Variants in PRIMA1 observed in about 807,000 individuals in gnomAD.
PRIMA1 encodes the protein proline rich membrane anchor 1.
A neutral mutation model predicts 17.5 loss-of-function variants in PRIMA1; 7 were observed. The ratio of observed to expected loss-of-function variants is 0.40; its 90% CI spans 0.23 to 0.75. The LOEUF is 0.75. PRIMA1 is among the 30% of genes least tolerant of loss of function. The pLI is 0.37. For missense variants in PRIMA1, 200 were observed against 201.8 expected, an observed-to-expected ratio of 0.99 and a Z score of 0.05; for synonymous variants, 97 against 77.9, an observed-to-expected ratio of 1.25 and a Z score of -1.29.
intron 3 of PRIMA1, among the ~76,000 whole-genome samples, chr14:93,770,556 G>T (rs1468778896): frequency 6.6e-6 from 1 of 152,148 alleles, no homozygotes; most frequent in African/African-American, 2.4e-5. Flanking sequence ...TTCCCTTTCG[G>T]TCAGCTCTCA....
upstream of PRIMA1, among the ~76,000 whole-genome samples, chr14:93,788,674 C>T (rs1205991374): frequency 3.9e-5 from 6 of 152,112 alleles, no homozygotes; most frequent in African/African-American, 7.2e-5. Flanking sequence ...GAGCAGAGGA[C>T]CAGGAGCGGC....
chr14:93,732,443 C>T (rs1385862699), intron 4 of PRIMA1, among the ~76,000 whole-genome samples: 3 of 152,230 alleles, frequency 2.0e-5, no homozygotes, highest in African/African-American at 7.2e-5. Flanking sequence ...TTGTCTCCTG[C>T]CCTGGACGGA....
At chr14:93,733,156 T>A (rs978798457) in intron 4 of PRIMA1, among the ~76,000 whole-genome samples, 7 of 152,182 alleles carry the variant, frequency 4.6e-5, no homozygotes, top group African/African-American at 1.7e-4. Context: ...CTCGTGCTCA[T>A]GCAAATTCAA....
intron 4 of PRIMA1, among the ~76,000 whole-genome samples, chr14:93,728,722 G>A (rs1419460987): frequency 3.3e-5 from 5 of 152,164 alleles, no homozygotes. Flanking sequence ...ATCCGTCTGG[G>A]TCTCCCATCA....
At chr14:93,723,639 G>A (rs1053125738) in intron 4 of PRIMA1, among the ~76,000 whole-genome samples, 1 of 152,138 alleles carries the variant, frequency 6.6e-6, no homozygotes, top group African/African-American at 2.4e-5. Flanking sequence ...GAATGCAAGA[G>A]GCAAACCCAC....
chr14:93,738,276 C>G (rs2076164051), intron 3 of PRIMA1, among the ~76,000 whole-genome samples: 1 of 152,154 alleles, frequency 6.6e-6, no homozygotes. Flanking sequence ...GTCAGTGAGG[C>G]CGGTTCGCTT....
intron 3 of PRIMA1, among the ~76,000 whole-genome samples, chr14:93,776,448 C>T (rs1161035174): frequency 6.6e-6 from 1 of 152,136 alleles, no homozygotes; most frequent in African/African-American, 2.4e-5. Flanking sequence ...TCTCCGTAGC[C>T]CCCAGCCTGG....
At chr14:93,773,010 T>C (rs1051319171) in intron 3 of PRIMA1, among the ~76,000 whole-genome samples, 5 of 152,216 alleles carry the variant, frequency 3.3e-5, no homozygotes, top group African/African-American at 1.2e-4. Context: ...ACCACCCATG[T>C]GCAGCAGGTA....
chr14:93,780,175 A>G (rs184153435), intron 2 of PRIMA1, among the ~76,000 whole-genome samples: 151 of 152,240 alleles, frequency 9.9e-4, no homozygotes, highest in African/African-American at 3.5e-3. Context: ...CTACCCTGCT[A>G]CGCCCCTGAC....
chr14:93,774,191 CAGA>C (rs1885143869), intron 3 of PRIMA1, among the ~76,000 whole-genome samples: 1 of 152,166 alleles, frequency 6.6e-6, no homozygotes, highest in Non-Finnish European at 1.5e-5. Flanking sequence ...TTGCCTTTGC[CAGA>C]AGAAGGGTGG....
intron 3 of PRIMA1, among the ~76,000 whole-genome samples, chr14:93,777,421 C>T (rs1229464817): frequency 6.6e-6 from 1 of 152,328 alleles, no homozygotes; most frequent in East Asian, 1.9e-4. Context: ...ACTGCAACCT[C>T]CGCCTCCCGG....
intron 3 of PRIMA1, among the ~76,000 whole-genome samples, chr14:93,776,697 C>A (rs1361305718): frequency 1.3e-5 from 2 of 152,228 alleles, no homozygotes; most frequent in African/African-American, 4.8e-5. Context: ...GTTATGAGAG[C>A]TGATTTTAGA....
At chr14:93,749,198 C>T (rs770024087) in intron 3 of PRIMA1, among the ~76,000 whole-genome samples, 84 of 152,282 alleles carry the variant, frequency 5.5e-4, no homozygotes, top group Middle Eastern at 3.4e-3. Context: ...TGCAGACGCA[C>T]GGCTGCGCAG....
chr14:93,782,672 C>T (rs972753257), intron 2 of PRIMA1, among the ~76,000 whole-genome samples: 1 of 152,164 alleles, frequency 6.6e-6, no homozygotes, highest in African/African-American at 2.4e-5. Flanking sequence ...ACATAAGGGC[C>T]TCTCTGAAAT....
chr14:93,787,797 T>G, intron 1 of PRIMA1, 48 bp from the exon 2 acceptor site: 1 of 1,501,298 alleles, frequency 6.7e-7, no homozygotes. Context: ...CGCAGGCACT[T>G]CCGCCGCCGC....
chr14:93,736,265 C>A (rs2076149506), intron 4 of PRIMA1, among the ~76,000 whole-genome samples: 1 of 152,202 alleles, frequency 6.6e-6, no homozygotes, highest in Non-Finnish European at 1.5e-5. Flanking sequence ...CAATTTCTGA[C>A]TCCATTGCTC....
At chr14:93,768,464 C>A (rs1323397911) in intron 3 of PRIMA1, among the ~76,000 whole-genome samples, 1 of 152,200 alleles carries the variant, frequency 6.6e-6, no homozygotes, top group Non-Finnish European at 1.5e-5. Context: ...CCTGGGGCAG[C>A]TTTAAACTCC....
chr14:93,734,753 C>G (rs2076138993), intron 4 of PRIMA1, among the ~76,000 whole-genome samples: 2 of 152,142 alleles, frequency 1.3e-5, no homozygotes, highest in Non-Finnish European at 1.5e-5. Context: ...GGAGCCCCGC[C>G]CCTGCCCCTG....
At chr14:93,781,304 C>G (rs1411560929) in intron 2 of PRIMA1, among the ~76,000 whole-genome samples, 3 of 152,242 alleles carry the variant, frequency 2.0e-5, no homozygotes, top group African/African-American at 7.2e-5. Context: ...CCACCGGCTT[C>G]TAGACCGGTG....
Sources: gnomAD v4.1 joint callset for allele counts (sites outside exome capture counted in the v4.1 genomes callset) on GRCh38, gnomAD v4.1.1 for gene constraint, MANE v1.5 for transcripts, NCBI Gene and HGNC (gene_info 2026-07-23, HGNC 2026-07-21) for gene names.